The following RPS6KC1 variants were observed in gnomAD, a reference collection of about 807,000 sequenced individuals.
RPS6KC1 encodes the protein inactive ribosomal protein S6 kinase delta-1.
RPS6KC1 carries 54 observed loss-of-function variants against 103.8 expected under a neutral mutation model. That is an observed-to-expected ratio of 0.52 (90% CI 0.42 to 0.65). The LOEUF (loss-of-function observed/expected upper bound fraction) is 0.65, where lower values mean the gene tolerates loss of function less well. Among genes scored for constraint, RPS6KC1 ranks in the 30% least tolerant of loss-of-function variants. RPS6KC1 has a pLI of 0.00. For synonymous variants in RPS6KC1, 439 were observed against 438.7 expected, an observed-to-expected ratio of 1.00 and a Z score of -0.01; for missense variants, 1,151 against 1,253.8, an observed-to-expected ratio of 0.92 and a Z score of 1.24.
chr1:213,742,709 T>C, the RPS6KC1 span, among the ~76,000 whole-genome samples: 1 of 152,246 alleles, frequency 6.6e-6, no homozygotes, highest in Non-Finnish European at 1.5e-5. Flanking sequence ...TGAACTCTAT[T>C]GGAATGAGGC....
At chr1:213,124,281 C>T (rs1572685107) in intron 5 of RPS6KC1, among the ~76,000 whole-genome samples, 1 of 152,176 alleles carries the variant, frequency 6.6e-6, no homozygotes, top group South Asian at 2.1e-4. Context: ...GCACCTTTTA[C>T]TCTTGCGATG....
At chr1:213,464,317 A>G in the RPS6KC1 span, among the ~76,000 whole-genome samples, 1 of 151,978 alleles carries the variant, frequency 6.6e-6, no homozygotes, top group African/African-American at 2.4e-5. Flanking sequence ...TTATTGGTTT[A>G]TTGTTGTTTA....
chr1:213,134,635 A>G (rs1404613164), intron 6 of RPS6KC1, among the ~76,000 whole-genome samples: 1 of 152,168 alleles, frequency 6.6e-6, no homozygotes, highest in Non-Finnish European at 1.5e-5. Context: ...TTCAGACACC[A>G]TGACCTTGTA....
At chr1:213,403,726 G>T in the RPS6KC1 span, among the ~76,000 whole-genome samples, 511 of 152,284 alleles carry the variant, frequency 3.4e-3, 6 homozygotes, top group African/African-American at 0.012. Flanking sequence ...CAAGATGGAG[G>T]TGCCAGTTCA....
chr1:213,473,444 A>G, the RPS6KC1 span, among the ~76,000 whole-genome samples: 2 of 152,210 alleles, frequency 1.3e-5, no homozygotes, highest in South Asian at 2.1e-4. Flanking sequence ...TTTCTTGCCA[A>G]TGTGAGGGGG....
the RPS6KC1 span, among the ~76,000 whole-genome samples, chr1:213,775,833 T>C: frequency 2.0e-5 from 3 of 152,328 alleles, no homozygotes; most frequent in South Asian, 6.2e-4. Context: ...ATTAGAATCA[T>C]CTCTCTCAAA....
intron 14 of RPS6KC1, among the ~76,000 whole-genome samples, chr1:213,269,168 G>A (rs1342658275): frequency 6.6e-6 from 1 of 152,096 alleles, no homozygotes; most frequent in African/African-American, 2.4e-5. Context: ...AGCTGGAGTG[G>A]CAATATTAAA....
At chr1:213,599,476 GA>G in the RPS6KC1 span, among the ~76,000 whole-genome samples, 1,523 of 152,090 alleles carry the variant, frequency 0.01, 14 homozygotes, top group Non-Finnish European at 0.017. Flanking sequence ...ACGAGGGGGG[GA>G]AAAACATTCA....
chr1:213,580,569 C>T, the RPS6KC1 span, among the ~76,000 whole-genome samples: 1 of 151,902 alleles, frequency 6.6e-6, no homozygotes, highest in African/African-American at 2.4e-5. Context: ...CACCTCGTAC[C>T]ACAGAGAAAT....
chr1:213,177,660 G>A (rs140349611), intron 8 of RPS6KC1, among the ~76,000 whole-genome samples: 6 of 152,106 alleles, frequency 3.9e-5, no homozygotes, highest in East Asian at 1.9e-4. Context: ...TTTCATAACC[G>A]TGTTTTCTGT....
the RPS6KC1 span, among the ~76,000 whole-genome samples, chr1:213,707,470 G>A: frequency 6.6e-6 from 1 of 151,662 alleles, no homozygotes. Context: ...TGGATAGATT[G>A]CAAAAATTTT....
the RPS6KC1 span, among the ~76,000 whole-genome samples, chr1:213,419,005 A>G: frequency 6.6e-6 from 1 of 152,194 alleles, no homozygotes; most frequent in African/African-American, 2.4e-5. Flanking sequence ...ATTGAGCCCA[A>G]GCTCCCAGTT....
chr1:213,727,754 C>A, the RPS6KC1 span, among the ~76,000 whole-genome samples: 1 of 152,140 alleles, frequency 6.6e-6, no homozygotes, highest in South Asian at 2.1e-4. Flanking sequence ...TTCCCCCATG[C>A]CTTGAAGCAG....
the RPS6KC1 span, among the ~76,000 whole-genome samples, chr1:213,605,982 A>G: frequency 6.6e-6 from 1 of 152,246 alleles, no homozygotes; most frequent in African/African-American, 2.4e-5. Flanking sequence ...AGATTGCACA[A>G]GAGGTCAAGA....
At chr1:213,406,073 C>G in the RPS6KC1 span, among the ~76,000 whole-genome samples, 1 of 152,200 alleles carries the variant, frequency 6.6e-6, no homozygotes, top group Non-Finnish European at 1.5e-5. Context: ...GCCTGGAAAA[C>G]AGGAGCTGCC....
the RPS6KC1 span, among the ~76,000 whole-genome samples, chr1:213,407,216 G>A: frequency 1.1e-4 from 10 of 92,716 alleles, no homozygotes; most frequent in Middle Eastern, 4.3e-3. Context: ...ACATGCACGC[G>A]CGCACACACA....
the RPS6KC1 span, among the ~76,000 whole-genome samples, chr1:213,393,758 A>G: frequency 6.6e-6 from 1 of 152,168 alleles, no homozygotes; most frequent in Non-Finnish European, 1.5e-5. Flanking sequence ...AATGAATGGG[A>G]TTGAGTAAGG....
chr1:213,129,049 C>T (rs899005319), intron 5 of RPS6KC1, among the ~76,000 whole-genome samples: 4 of 151,982 alleles, frequency 2.6e-5, no homozygotes, highest in African/African-American at 4.8e-5. Flanking sequence ...CTAAGCTACT[C>T]GGGAGGCTGA....
chr1:213,532,302 A>G, the RPS6KC1 span, among the ~76,000 whole-genome samples: 44 of 152,138 alleles, frequency 2.9e-4, no homozygotes, highest in Non-Finnish European at 6.2e-4. Flanking sequence ...CTGCGGATGC[A>G]TTAGGATAAC....
Sources: allele counts gnomAD v4.1 joint callset (sites outside exome capture counted in the v4.1 genomes callset), GRCh38; gene constraint gnomAD v4.1.1; transcripts MANE v1.5; gene names NCBI Gene and HGNC (gene_info 2026-07-23, HGNC 2026-07-21).